The following RANBP3L variants were observed in gnomAD, a reference collection of about 807,000 sequenced individuals.
RANBP3L encodes the protein ran-binding protein 3-like.
RANBP3L carries 56 observed loss-of-function variants against 67.2 expected under a neutral mutation model. That is an observed-to-expected ratio of 0.83 (90% CI 0.67 to 1.04). The LOEUF is 1.04. Ranked by LOEUF, RANBP3L falls within the 50% of genes least tolerant of loss-of-function variation. The pLI is 0.00. For missense variants in RANBP3L, 496 were observed against 535.5 expected (o/e 0.93, Z 0.73); for synonymous variants, 164 against 181.4 (o/e 0.90, Z 0.77).
rs2111811818 is a variant in RANBP3L, at chr5:36,265,118, A to G, written c.341-20T>C. The G allele has an allele frequency of 1.4e-6, 2 of 1,471,492 alleles. No homozygotes were observed. Among genetic ancestry groups the G allele is most frequent in the Non-Finnish European group, 1.9e-6 (2 of 1,067,700 alleles). The allele number at this position is 1,471,492 out of a possible 1,614,324, so 91.2% of individuals were successfully genotyped here. A position where few individuals can be genotyped will look rare whatever the true frequency, so the allele number is the denominator to read the frequency against. ...CAGGACCTTAAAAGAATAGAATTAAAGGATAAATATATGTTTACTGAAATA... is the reference window on the plus strand; with the variant it reads ...CAGGACCTTAAAAGAATAGAATTAAGGGATAAATATATGTTTACTGAAATA... On this transcript the variant is annotated intron_variant, in intron 5 of 13. Coordinates refer to ENST00000296604, the MANE Select transcript of RANBP3L (RefSeq NM_145000.5).
chr5:36,256,559 T>C (rs1748989955), intron 10 of RANBP3L, among the ~76,000 whole-genome samples: 1 of 152,144 alleles, frequency 6.6e-6, no homozygotes. Context: ...TAAACTTTTT[T>C]AGAAGGAAAA....
In RANBP3L at chr5:36,287,539, C is replaced by T. The variant is rs562066698; in HGVS notation, c.91+13787G>A. Among the ~76,000 whole-genome samples the T allele has an allele frequency of 5.9e-5, 9 of 152,196 alleles. No homozygotes were observed. In the East Asian group the frequency reaches 7.7e-4, roughly 13 times the overall value. ...TAGTCCATTTTAGGTGTTTATTAAACGATAACTCATGAGTCAGTTGTGGCT... is the reference window on the plus strand; with the variant it reads ...TAGTCCATTTTAGGTGTTTATTAAATGATAACTCATGAGTCAGTTGTGGCT... On this transcript the variant is annotated intron_variant, in intron 1 of 13. Transcript: ENST00000296604.
intron 1 of RANBP3L, among the ~76,000 whole-genome samples, chr5:36,272,877 G>A (rs1391014732): frequency 1.3e-5 from 2 of 151,988 alleles, no homozygotes; most frequent in Admixed American, 6.6e-5. Context: ...TCCTGACCTC[G>A]GTGATCCACC....
intron 4 of RANBP3L, 139 bp downstream of exon 4, chr5:36,269,251 G>A: frequency 3.3e-6 from 2 of 614,252 alleles, no homozygotes; most frequent in Non-Finnish European, 5.9e-6. Context: ...TGTATAGCTT[G>A]TTGTTTTCAC....
At chr5:36,294,326 A>T (rs1752032849) in intron 1 of RANBP3L, among the ~76,000 whole-genome samples, 1 of 151,472 alleles carries the variant, frequency 6.6e-6, no homozygotes. Flanking sequence ...CGGTGTATCA[A>T]TTTTGTTGAT....
At chr5:36,293,401 C>G (rs1283171496) in intron 1 of RANBP3L, among the ~76,000 whole-genome samples, 1 of 147,592 alleles carries the variant, frequency 6.8e-6, no homozygotes, top group Non-Finnish European at 1.5e-5. Flanking sequence ...ATTTCCTTCT[C>G]CTGCCTAATT....
chr5:36,266,851 G>A (rs1322393695), intron 4 of RANBP3L, among the ~76,000 whole-genome samples: 1 of 151,916 alleles, frequency 6.6e-6, no homozygotes, highest in Non-Finnish European at 1.5e-5. Flanking sequence ...CTGCCTCCTG[G>A]GTTCAAGCGA....
chr5:36,265,464 T>G lies in RANBP3L; in HGVS notation c.325A>C (p.Lys109Gln), dbSNP rs1453487781. The change falls in exon 5 of 14, where the codon AAG (lysine) becomes CAG (glutamine). Residue 109 changes from lysine (K) to glutamine (Q), a missense_variant. Physicochemically the swap from Lys to Gln is moderately conservative, Grantham distance 53. Transcript: ENST00000296604. ...AGCTACATACCTTGTTCAGCACTCT[T>G]TATATCAACACTACTTTGCACAAGA... is the stretch of plus-strand genomic sequence containing the variant. ...SALVQSSVDI[K>Q]SAEQGPVKHS... 6.2e-7 allele frequency: 1 copy of G among 1,601,104 alleles called. No homozygotes were observed. The highest frequency in any genetic ancestry group is 2.2e-5 in the East Asian group (1 of 44,762).
intron 1 of RANBP3L, among the ~76,000 whole-genome samples, chr5:36,297,739 G>A (rs987045186): frequency 6.6e-6 from 1 of 152,186 alleles, no homozygotes; most frequent in African/African-American, 2.4e-5. Context: ...CAAGTTGGGA[G>A]ATGAGCCTCC....
intron 2 of RANBP3L, among the ~76,000 whole-genome samples, 179 bp from the exon 3 acceptor site, chr5:36,270,169 T>C (rs1478335846): frequency 6.6e-6 from 1 of 152,234 alleles, no homozygotes; most frequent in Non-Finnish European, 1.5e-5. Context: ...AAGCCAGGGC[T>C]AATAAGCCCG....
At chr5:36,298,583 G>T (rs1752398489) in intron 1 of RANBP3L, among the ~76,000 whole-genome samples, 2 of 152,146 alleles carry the variant, frequency 1.3e-5, no homozygotes, top group South Asian at 4.1e-4. Flanking sequence ...CCACTGCTCT[G>T]AATGAATACT....
intron 1 of RANBP3L, among the ~76,000 whole-genome samples, chr5:36,287,242 T>C (rs1017589261): frequency 1.3e-5 from 2 of 152,202 alleles, no homozygotes; most frequent in African/African-American, 4.8e-5. Flanking sequence ...CACGCCCTGC[T>C]CACCTCCTGC....
chr5:36,270,472 T>G (rs1750126313), intron 2 of RANBP3L, among the ~76,000 whole-genome samples: 1 of 152,102 alleles, frequency 6.6e-6, no homozygotes, highest in Non-Finnish European at 1.5e-5. Context: ...AGAAATAAGG[T>G]AAAATGAGAA....
intron 1 of RANBP3L, among the ~76,000 whole-genome samples, chr5:36,272,949 G>GT (rs1211688583): frequency 1.3e-5 from 2 of 152,010 alleles, no homozygotes; most frequent in Non-Finnish European, 2.9e-5. Context: ...GCCTTGTGTA[G>GT]TTTTTTTATG....
At chr5:36,296,940 G>A (rs1171952195) in intron 1 of RANBP3L, among the ~76,000 whole-genome samples, 1 of 152,150 alleles carries the variant, frequency 6.6e-6, no homozygotes, top group Non-Finnish European at 1.5e-5. Flanking sequence ...AGTCTACACT[G>A]CAGTTTGGAC....
intron 13 of RANBP3L, among the ~76,000 whole-genome samples, chr5:36,250,375 A>G (rs537745836): frequency 6.6e-6 from 1 of 152,172 alleles, no homozygotes; most frequent in East Asian, 1.9e-4. Flanking sequence ...AGCAGGTTAT[A>G]ATACTGATCT....
At chr5:36,263,789 A>G (rs1014882636) in intron 6 of RANBP3L, among the ~76,000 whole-genome samples, 1 of 152,358 alleles carries the variant, frequency 6.6e-6, no homozygotes, top group African/African-American at 2.4e-5. Context: ...GGCCTCCCGA[A>G]GTGCTAGGAT....
intron 1 of RANBP3L, among the ~76,000 whole-genome samples, chr5:36,291,138 T>C (rs1050190123): frequency 6.6e-6 from 1 of 151,882 alleles, no homozygotes; most frequent in African/African-American, 2.4e-5. Context: ...TGTATTCACA[T>C]GTTTGTATAA....
chr5:36,298,224 C>T (rs1445392462), intron 1 of RANBP3L, among the ~76,000 whole-genome samples: 2 of 150,724 alleles, frequency 1.3e-5, no homozygotes, highest in Admixed American at 6.6e-5. Flanking sequence ...CACTTGAACC[C>T]GGGAGGCAGA....
Sources: gnomAD v4.1 joint callset for allele counts (sites outside exome capture counted in the v4.1 genomes callset) on GRCh38, gnomAD v4.1.1 for gene constraint, MANE v1.5 for transcripts, NCBI Gene and HGNC (gene_info 2026-07-23, HGNC 2026-07-21) for gene names.